Variants in MFNG observed in about 807,000 individuals in gnomAD.
MFNG encodes beta-1,3-N-acetylglucosaminyltransferase manic fringe.
In MFNG, 24 loss-of-function variants were observed where a neutral mutation model predicts 34.2. The observed-to-expected ratio is 0.70, with a 90% CI of 0.51 to 0.99. MFNG has a LOEUF of 0.99. Ranked by LOEUF, MFNG falls within the 50% of genes least tolerant of loss-of-function variation. The pLI, the probability that MFNG is intolerant of heterozygous loss-of-function variation, is 0.00. For synonymous variants in MFNG, 158 were observed against 179.2 expected, an observed-to-expected ratio of 0.88 and a Z score of 0.94; for missense variants, 383 against 424.0, an observed-to-expected ratio of 0.90 and a Z score of 0.85.
chr22:37,475,878 A>G (rs9610768), intron 5 of MFNG, among the ~76,000 whole-genome samples: 1 of 152,236 alleles, frequency 6.6e-6, no homozygotes. Context: ...TTCTGTGGAC[A>G]TGCCCCAGGA....
At chr22:37,474,106 G>A (rs141087941) in intron 6 of MFNG, among the ~76,000 whole-genome samples, 248 of 152,232 alleles carry the variant, frequency 1.6e-3, no homozygotes, top group African/African-American at 5.5e-3. Flanking sequence ...TGAAGGAAGG[G>A]GCTCCTAACA....
intron 7 of MFNG, among the ~76,000 whole-genome samples, chr22:37,471,462 GAT>G (rs1921798960): frequency 1.3e-5 from 2 of 152,108 alleles, no homozygotes; most frequent in Non-Finnish European, 2.9e-5. Flanking sequence ...GGGTTGGACT[GAT>G]GGGCCCAGAG....
intron 3 of MFNG, 131 bp from the exon 4 acceptor site, chr22:37,479,629 GT>G: frequency 1.7e-6 from 2 of 1,175,028 alleles, no homozygotes. Context: ...TAAGGCATCT[GT>G]TTTGTGCCAA....
rs1186266754 is a variant in MFNG at position 37,486,354 on chromosome 22, G to C, written c.-177C>G. ...CCCAGAGGCTGAGCCATGGCAGCAC[G>C]ATCTCGACCGCCGCCAGTCCTCCAC... On this transcript the variant is annotated 5_prime_UTR_variant, in exon 1 of 8. The change creates a new upstream start codon in the 5' untranslated region. Coordinates refer to ENST00000356998, the MANE Select transcript of MFNG (RefSeq NM_002405.4). 7 of 578,476 alleles carry C rather than the reference G, an allele frequency of 1.2e-5. No homozygotes were observed. Among genetic ancestry groups the C allele is most frequent in the South Asian group, 5.2e-5 (1 of 19,384 alleles). 35.8% of individuals were successfully genotyped at this position (578,476 alleles called of 1,614,324 possible). A position where few individuals can be genotyped will look rare whatever the true frequency, so the allele number is the denominator to read the frequency against.
At position 37,476,910 on chromosome 22, in the gene MFNG, C is replaced by G. The variant is rs1485105575; in HGVS notation, c.633G>C (p.Met211Ile). The change falls in exon 5 of 8, where the codon ATG (methionine) becomes ATC (isoleucine). Residue 211 changes from methionine to isoleucine, a missense_variant. Coordinates refer to ENST00000356998, the MANE Select transcript of MFNG (RefSeq NM_002405.4). ...TCTCTGCTTACCTGGCCCACGGAGC[C>G]ATCTTCAAAGCCAGTTTGCGATTGA... ...FCINRKLALK[M>I]APWASGSRFM... The G allele has an allele frequency of 5.0e-6, 8 of 1,613,998 alleles. No individual in the cohort carries two copies. In the East Asian group the frequency reaches 1.6e-4, roughly 31 times the overall value.
At chr22:37,476,596 T>C (rs960998777) in intron 5 of MFNG, among the ~76,000 whole-genome samples, 11 of 152,128 alleles carry the variant, frequency 7.2e-5, no homozygotes, top group African/African-American at 2.7e-4. Context: ...TTTTCTCATT[T>C]AACCCTTACT....
chr22:37,472,623 G>A, intron 6 of MFNG, 95 bp from the exon 7 acceptor site: 1 of 1,206,424 alleles, frequency 8.3e-7, no homozygotes, highest in Non-Finnish European at 1.2e-6. Context: ...GTTTTAAGCT[G>A]CAGGGAAAGC....
At chr22:37,479,123 C>G (rs1324041682) in intron 4 of MFNG, among the ~76,000 whole-genome samples, 6 of 152,220 alleles carry the variant, frequency 3.9e-5, no homozygotes, top group Non-Finnish European at 7.3e-5. Flanking sequence ...GGAGGCCTCA[C>G]TATGTACTGT....
In MFNG at chr22:37,472,438, C is replaced by T. The variant is rs766253078; in HGVS notation, c.899+5G>A. ...CCCATCCAAGGTTCCAGCCCCCAGA[C>T]CCACCTGGAGGGGTCCTCCTCCGGG... is the stretch of plus-strand genomic sequence containing the variant. On this transcript the variant is annotated splice_donor_5th_base_variant and intron_variant, in intron 7 of 7. Coordinates refer to ENST00000356998, the MANE Select transcript of MFNG (RefSeq NM_002405.4). 19 of 1,572,846 alleles carry T rather than the reference C, an allele frequency of 1.2e-5. No individual in the cohort carries two copies. Among genetic ancestry groups the T allele is most frequent in the Middle Eastern group, 1.7e-4 (1 of 5,950 alleles).
Position 37,486,003 on chromosome 22 carries a change from C to T in MFNG, c.175G>A (p.Ala59Thr), listed in dbSNP as rs774891100. 2.5e-6 allele frequency: 4 copies of T among 1,614,112 alleles called. No individual in the cohort carries two copies. The highest frequency in any genetic ancestry group is 3.4e-6 in the Non-Finnish European group (4 of 1,180,006). ...TGGAAAGCCCGGGTCGTCTTCACTG[C>T]AATGAAGACATCGTGTAGCTGTAGC... ...PKLQLHDVFI[A>T]VKTTRAFHRL... Residue 59 changes from alanine (A) to threonine (T), a missense_variant, in exon 1 of 8, where the codon GCA (alanine) becomes ACA (threonine). Coordinates refer to ENST00000356998, the MANE Select transcript of MFNG (RefSeq NM_002405.4).
intron 7 of MFNG, 131 bp downstream of exon 7, chr22:37,472,312 C>T: frequency 1.5e-6 from 1 of 663,690 alleles, no homozygotes; most frequent in Non-Finnish European, 2.5e-6. Context: ...AAATCCACTC[C>T]CTCCACTCCT....
At chr22:37,477,031 G>A (rs1235062609) in intron 4 of MFNG, 50 bp from the exon 5 acceptor site, 14 of 1,538,410 alleles carry the variant, frequency 9.1e-6, no homozygotes, top group Non-Finnish European at 1.3e-5. Flanking sequence ...GGCAGTTGTG[G>A]GGAAAAGGGA....
At chr22:37,472,031 A>C (rs1601793138) in intron 7 of MFNG, among the ~76,000 whole-genome samples, 2 of 152,088 alleles carry the variant, frequency 1.3e-5, no homozygotes, top group African/African-American at 2.4e-5. Flanking sequence ...GAAGCATTTA[A>C]GAGTATCAAA....
intron 7 of MFNG, 45 bp from the exon 8 acceptor site, chr22:37,470,074 T>C (rs1195976187): frequency 6.8e-7 from 1 of 1,466,778 alleles, no homozygotes; most frequent in East Asian, 2.4e-5. Flanking sequence ...CCCCCACTTC[T>C]GCTCTCAGCC....
chr22:37,480,222 C>G lies in MFNG; in HGVS notation c.382G>C (p.Asp128His), dbSNP rs772013269. ...CTAAGCCCACTGGCCAAGAAGGTGT[C>G]GAACTCAGCAGCCATCTTGCAGGAC... ...ALSCKMAAEFDTFLASGLRWF... is the reference protein window; with the variant it reads ...ALSCKMAAEFHTFLASGLRWF... Residue 128 changes from aspartate (D) to histidine (H), a missense_variant, in exon 3 of 8, where the codon GAC (aspartate) becomes CAC (histidine). Asp to His is a moderately conservative substitution (Grantham distance 81). Coordinates refer to ENST00000356998, the MANE Select transcript of MFNG (RefSeq NM_002405.4). 4 of 1,611,492 alleles carry G rather than the reference C, an allele frequency of 2.5e-6. No homozygotes were observed. Among genetic ancestry groups the G allele is most frequent in the Non-Finnish European group, 3.4e-6 (4 of 1,177,904 alleles).
Position 37,474,589 on chromosome 22 carries a change from G to A in MFNG, c.736C>T (p.Arg246Cys), listed in dbSNP as rs771110031. 21 of 1,614,026 alleles carry A rather than the reference G, an allele frequency of 1.3e-5. No homozygotes were observed. Among genetic ancestry groups the A allele is most frequent in the Non-Finnish European group, 1.6e-5 (19 of 1,179,994 alleles). Residue 246 changes from arginine (R) to cysteine (C), a missense_variant, in exon 6 of 8, where the codon CGC becomes TGC. Transcript: ENST00000356998. The stretch of plus-strand genomic sequence containing the variant: ...TGAAAGAGGGGGCTGGGCTGCAGGC[G>A]GCCGCCCAGCTTGCACTCAATGATA... ...GYIIECKLGG[R>C]LQPSPLFHSH...
chr22:37,472,391 C>T (rs1270303438), intron 7 of MFNG, 52 bp downstream of exon 7: 2 of 1,388,298 alleles, frequency 1.4e-6, no homozygotes, highest in Non-Finnish European at 2.0e-6. Context: ...TGTTTGGATG[C>T]CTGGACTCAG....
intron 7 of MFNG, 100 bp from the exon 8 acceptor site, chr22:37,470,129 G>A (rs1921743244): frequency 3.5e-6 from 3 of 854,108 alleles, no homozygotes; most frequent in Non-Finnish European, 3.8e-6. Flanking sequence ...TTTGGAGCAG[G>A]GTTTCTCTAC....
In MFNG at chr22:37,474,623, G is replaced by A. The variant is rs745400988; in HGVS notation, c.702C>T (p.Thr234=). The A allele has an allele frequency of 2.9e-5, 46 of 1,613,734 alleles. No homozygotes were observed. The highest frequency in any genetic ancestry group is 3.8e-5 in the Non-Finnish European group (45 of 1,179,904). ...SALIRLPDDC[T]MGYIIECKLG... ...GCTTGCACTCAATGATATAGCCCAT[G>A]GTGCAGTCATCAGGCAGCCGGATGA... Residue 234 remains threonine (T), a synonymous_variant, in exon 6 of 8, where the codon ACC becomes ACT. Transcript: ENST00000356998.
Sources: gnomAD v4.1 joint callset for allele counts (sites outside exome capture counted in the v4.1 genomes callset) on GRCh38, gnomAD v4.1.1 for gene constraint, MANE v1.5 for transcripts, NCBI Gene and HGNC (gene_info 2026-07-23, HGNC 2026-07-21) for gene names.